Variants in VAV2 observed in about 807,000 individuals in gnomAD.
VAV2 encodes the protein vav guanine nucleotide exchange factor 2.
In VAV2, 67 loss-of-function variants were observed where a neutral mutation model predicts 132.5. The ratio of observed to expected loss-of-function variants is 0.51; its 90% CI spans 0.42 to 0.62. The LOEUF is 0.62. Ranked by LOEUF, VAV2 falls within the 20% of genes least tolerant of loss-of-function variation. VAV2 has a pLI of 0.00. For synonymous variants in VAV2, 492 were observed against 443.5 expected (o/e 1.11, Z -1.37); for missense variants, 938 against 1,153.6 (o/e 0.81, Z 2.71).
At chr9:133,774,360 G>A (rs1383901685) in intron 25 of VAV2, among the ~76,000 whole-genome samples, 3 of 152,216 alleles carry the variant, frequency 2.0e-5, no homozygotes, top group Non-Finnish European at 4.4e-5. Context: ...TTTCTTTCAG[G>A]TGGGCAATGT....
intron 1 of VAV2, among the ~76,000 whole-genome samples, chr9:133,981,453 C>T (rs1196799856): frequency 1.3e-5 from 2 of 152,222 alleles, no homozygotes; most frequent in African/African-American, 4.8e-5. Context: ...CCGCCCGCTG[C>T]ACTCTGCTCT....
chr9:133,807,278 C>A lies in VAV2; in HGVS notation c.715G>T (p.Ala239Ser). The change falls in exon 8 of 30, where the codon GCT becomes TCT. Residue 239 changes from alanine (A) to serine (S), a missense_variant. By Grantham distance (99) the Ala-to-Ser change is moderately conservative (BLOSUM62 1). Transcript: ENST00000371850. ...CTTACCTCCAGGTTAATGAAGACAG[C>A]TGCCATGTCCGCCGGGCTCAGCACC... ...RLVLSPADMA[A>S]VFINLEDLIK... 6.2e-7 allele frequency: 1 copy of A among 1,611,086 alleles called. No individual in the cohort carries two copies. Among genetic ancestry groups the A allele is most frequent in the South Asian group, 1.1e-5 (1 of 90,428 alleles).
chr9:133,992,000 C>A lies in VAV2; in HGVS notation c.204+75G>T. 3 of 1,238,328 alleles carry A rather than the reference C, an allele frequency of 2.4e-6. No individual in the cohort carries two copies. Among genetic ancestry groups the A allele is most frequent in the Non-Finnish European group, 3.1e-6 (3 of 975,120 alleles). The allele number at this position is 1,238,328 out of a possible 1,614,324, so 76.7% of individuals were successfully genotyped here. A position where few individuals can be genotyped will look rare whatever the true frequency, so the allele number is the denominator to read the frequency against. Reference sequence around the variant, plus strand: ...GGCGCCTGGGCCGCCGCCGCTGCGACCTCCGCGTTCAGTCCGCGCGTCGGG... The same window carrying A: ...GGCGCCTGGGCCGCCGCCGCTGCGAACTCCGCGTTCAGTCCGCGCGTCGGG... On this transcript the variant is annotated intron_variant, in intron 1 of 29. Transcript: ENST00000371850. This position sits in a 1 kb window ranked among gnomAD's most constrained non-coding sequence, Gnocchi z 4.8.
chr9:133,962,625 A>AC (rs1842002512), intron 1 of VAV2, among the ~76,000 whole-genome samples: 4 of 151,592 alleles, frequency 2.6e-5, no homozygotes, highest in Admixed American at 2.0e-4. Context: ...TCCCCGCCCC[A>AC]CCCCCCACAA....
In VAV2 at chr9:133,863,276, G is replaced by A. The variant is rs113527854; in HGVS notation, c.322-1844C>T. Among the ~76,000 whole-genome samples, 5,099 of 152,354 alleles carry A rather than the reference G, an allele frequency of 0.033. 104 individuals are homozygous for A. The highest frequency in any genetic ancestry group is 0.051 in the South Asian group (247 of 4,834). ...TCACACACCTCCTGCGGCAGACGTG[G>A]CTGATCAATCCCTCCGAGGAGCCGG... is the stretch of plus-strand genomic sequence containing the variant. On this transcript the variant is annotated intron_variant, in intron 2 of 29. Coordinates refer to ENST00000371850, the MANE Select transcript of VAV2 (RefSeq NM_001134398.2). The surrounding 1 kb of genome is among the most constrained non-coding windows in gnomAD (Gnocchi z 5.0).
chr9:133,983,522 C>T (rs963659680), intron 1 of VAV2, among the ~76,000 whole-genome samples: 2 of 152,166 alleles, frequency 1.3e-5, no homozygotes, highest in African/African-American at 2.4e-5. Flanking sequence ...AGTCCCAAAC[C>T]GCAGGCAGAC....
chr9:133,845,610 C>T (rs1482769606), intron 3 of VAV2, among the ~76,000 whole-genome samples: 1 of 152,222 alleles, frequency 6.6e-6, no homozygotes, highest in African/African-American at 2.4e-5. Flanking sequence ...GAGGCCTTGG[C>T]AGTCTCCCTA....
intron 2 of VAV2, among the ~76,000 whole-genome samples, chr9:133,870,081 T>C (rs139141448): frequency 6.6e-6 from 1 of 152,108 alleles, no homozygotes; most frequent in East Asian, 1.9e-4. Flanking sequence ...CAAGCGACCA[T>C]CGAGTAGTGA....
At position 133,918,235 on chromosome 9, in the gene VAV2, C is replaced by A. The variant is rs1401951509; in HGVS notation, c.321+20868G>T. Among the ~76,000 whole-genome samples, 1 of 152,204 alleles carries A rather than the reference C, an allele frequency of 6.6e-6. No individual in the cohort carries two copies. The highest frequency in any genetic ancestry group is 1.5e-5 in the Non-Finnish European group (1 of 68,036). ...AAATGCTAAAGAGGACTCGGTGCCT[C>A]CAGCTCGGCTAGAAACTATTTTTAA... On this transcript the variant is annotated intron_variant, in intron 2 of 29. Coordinates refer to ENST00000371850, the MANE Select transcript of VAV2 (RefSeq NM_001134398.2). This position sits in a 1 kb window ranked among gnomAD's most constrained non-coding sequence, Gnocchi z 4.7.
rs1840194620 is a variant in VAV2, at chr9:133,918,799, A to C, written c.321+20304T>G. Reference sequence around the variant, plus strand: ...TTTGTTTGTTTGTTTGTTTTGAGACAGAGTCTTGTTCTGTCGCCCAGGCTG... The same window carrying C: ...TTTGTTTGTTTGTTTGTTTTGAGACCGAGTCTTGTTCTGTCGCCCAGGCTG... On this transcript the variant is annotated intron_variant, in intron 2 of 29. Coordinates refer to ENST00000371850, the MANE Select transcript of VAV2 (RefSeq NM_001134398.2). The surrounding 1 kb of genome is among the most constrained non-coding windows in gnomAD (Gnocchi z 4.7). Among the ~76,000 whole-genome samples, 1 of 152,028 alleles carries C rather than the reference A, an allele frequency of 6.6e-6. No individual in the cohort carries two copies. The highest frequency in any genetic ancestry group is 1.5e-5 in the Non-Finnish European group (1 of 67,998).
rs1014645565 is a variant in VAV2, at chr9:133,804,895, G to C, written c.836+1186C>G. ...GCTCTCCTGGTCCCCTCTGCCACTG[G>C]ACCACAAGCACTGCCTGCTCCCTCG... On this transcript the variant is annotated intron_variant, in intron 9 of 29. Transcript: ENST00000371850. This position sits in a 1 kb window ranked among gnomAD's most constrained non-coding sequence, Gnocchi z 4.5. Among the ~76,000 whole-genome samples the C allele has an allele frequency of 6.6e-6, 1 of 152,130 alleles. No individual in the cohort carries two copies. The highest frequency in any genetic ancestry group is 1.5e-5 in the Non-Finnish European group (1 of 68,018).
At chr9:133,815,381 T>C (rs1258893559) in intron 4 of VAV2, among the ~76,000 whole-genome samples, 1 of 152,132 alleles carries the variant, frequency 6.6e-6, no homozygotes, top group African/African-American at 2.4e-5. Context: ...TTCTGACAAG[T>C]GGCTACACCT....
chr9:133,807,216 GGCCCC>G, intron 8 of VAV2, 37 bp downstream of exon 8: 1 of 1,591,020 alleles, frequency 6.3e-7, no homozygotes, highest in Non-Finnish European at 8.6e-7. Flanking sequence ...GCCGAGTTAG[GGCCCC>G]GAGCCTGGCA....
intron 3 of VAV2, among the ~76,000 whole-genome samples, chr9:133,860,992 C>T (rs1178287069): frequency 6.6e-6 from 1 of 152,254 alleles, no homozygotes; most frequent in East Asian, 1.9e-4. Flanking sequence ...GGCAAGTCCA[C>T]CATGCTCCGG....
Position 133,854,022 on chromosome 9 carries a change from GCACA to G in VAV2, c.380+7348_380+7351del, listed in dbSNP as rs200935097. ...CATGAGCATATATACACACACGTGTGCACACACACACACCCATCTGCACATACAC... is the reference window on the plus strand; with the variant it reads ...CATGAGCATATATACACACACGTGTGCACACACACCCATCTGCACATACAC... On this transcript the variant is annotated intron_variant, in intron 3 of 29. Transcript: ENST00000371850. Among the ~76,000 whole-genome samples the G allele has an allele frequency of 2.6e-5, 4 of 151,872 alleles. No homozygotes were observed. In the East Asian group the frequency reaches 5.8e-4, roughly 22 times the overall value.
chr9:133,901,535 T>C (rs1346293394), intron 2 of VAV2, among the ~76,000 whole-genome samples: 1 of 152,208 alleles, frequency 6.6e-6, no homozygotes, highest in African/African-American at 2.4e-5. Context: ...GAAGCTTCCG[T>C]GGGTGCCACA....
At chr9:133,882,695 C>CGT (rs1838547368) in intron 2 of VAV2, among the ~76,000 whole-genome samples, 1 of 152,108 alleles carries the variant, frequency 6.6e-6, no homozygotes, top group South Asian at 2.1e-4. Flanking sequence ...GCACCAGGTC[C>CGT]GTGATACTTG....
intron 4 of VAV2, among the ~76,000 whole-genome samples, chr9:133,815,301 C>G (rs567438173): frequency 6.6e-6 from 1 of 152,184 alleles, no homozygotes; most frequent in East Asian, 1.9e-4. Flanking sequence ...GTGAGAAATG[C>G]CAAGCATAGG....
At chr9:133,775,171 TCTC>T (rs1833770658) in intron 24 of VAV2, 120 bp from the exon 25 acceptor site, 1 of 794,930 alleles carries the variant, frequency 1.3e-6, no homozygotes, top group Admixed American at 2.7e-5. Flanking sequence ...TGAGAGCTCA[TCTC>T]CTAATGAACC....
Sources: allele counts gnomAD v4.1 joint callset (sites outside exome capture counted in the v4.1 genomes callset), GRCh38; gene constraint gnomAD v4.1.1; non-coding constraint Gnocchi (gnomAD v3.1); transcripts MANE v1.5; gene names NCBI Gene and HGNC (gene_info 2026-07-23, HGNC 2026-07-21).